Variants in PTPRE observed in about 807,000 individuals in gnomAD.
PTPRE encodes receptor-type tyrosine-protein phosphatase epsilon.
A neutral mutation model predicts 102.0 loss-of-function variants in PTPRE; 51 were observed. The ratio of observed to expected loss-of-function variants is 0.50; its 90% CI spans 0.40 to 0.63. The LOEUF (loss-of-function observed/expected upper bound fraction) is 0.63. Ranked by LOEUF, PTPRE falls within the 30% of genes least tolerant of loss-of-function variation. The probability of loss-of-function intolerance (pLI) is 0.00; values close to 1 mark genes in which losing one functional copy is unlikely to be tolerated. For missense variants in PTPRE, 752 were observed against 915.1 expected, an observed-to-expected ratio of 0.82 and a Z score of 2.30; for synonymous variants, 345 against 348.2, an observed-to-expected ratio of 0.99 and a Z score of 0.10.
chr10:128,062,841 A>AT (rs1849726793), intron 9 of PTPRE: 1 of 586,196 alleles, frequency 1.7e-6, no homozygotes. Context: ...TGTGAACGTC[A>AT]TAACTCAACC....
intron 1 of PTPRE, among the ~76,000 whole-genome samples, chr10:127,978,026 C>T (rs770873703): frequency 6.6e-6 from 1 of 152,244 alleles, no homozygotes; most frequent in Non-Finnish European, 1.5e-5. Context: ...ACTTCTCCCA[C>T]AGTAAATATA....
intron 1 of PTPRE, among the ~76,000 whole-genome samples, chr10:127,949,684 T>C (rs887341430): frequency 5.3e-5 from 8 of 152,160 alleles, no homozygotes; most frequent in Admixed American, 1.3e-4. Context: ...TTCACATAAA[T>C]GACCTGAGTT....
intron 3 of PTPRE, among the ~76,000 whole-genome samples, chr10:128,042,248 A>G (rs1022894554): frequency 6.6e-6 from 1 of 152,178 alleles, no homozygotes; most frequent in African/African-American, 2.4e-5. Context: ...AGGAGCCACA[A>G]TGGCAGAACA....
At chr10:128,011,211 T>C (rs1267619242) in intron 2 of PTPRE, among the ~76,000 whole-genome samples, 1 of 152,182 alleles carries the variant, frequency 6.6e-6, no homozygotes, top group Non-Finnish European at 1.5e-5. Flanking sequence ...GACCCACAGA[T>C]TGTAAAATTC....
intron 7 of PTPRE, among the ~76,000 whole-genome samples, chr10:128,060,688 C>T (rs1347060921): frequency 1.3e-5 from 2 of 152,216 alleles, no homozygotes; most frequent in Non-Finnish European, 2.9e-5. Context: ...AAATCCTACC[C>T]TTGTCGTCAT....
chr10:128,028,137 G>A lies in PTPRE; in HGVS notation c.-7-12738G>A, dbSNP rs1213778145. On this transcript the variant is annotated intron_variant, in intron 2 of 20. Coordinates refer to ENST00000254667, the MANE Select transcript of PTPRE (RefSeq NM_006504.6). This position sits in a 1 kb window ranked among gnomAD's most constrained non-coding sequence, Gnocchi z 4.5. ...GGATTTCTGGAGAACACTGTACTTC[G>A]CCAGCCTGCGGCAGACACATTATTC... Among the ~76,000 whole-genome samples the A allele has an allele frequency of 1.3e-5, 2 of 152,196 alleles. No homozygotes were observed. The highest frequency in any genetic ancestry group is 2.4e-5 in the African/African-American group (1 of 41,444).
chr10:128,029,870 A>G (rs1013199114), intron 2 of PTPRE, among the ~76,000 whole-genome samples: 2 of 152,234 alleles, frequency 1.3e-5, no homozygotes, highest in East Asian at 1.9e-4. Flanking sequence ...CCTGGGCATC[A>G]ATGCCTCAGC....
intron 2 of PTPRE, chr10:127,998,464 A>AT (rs1853511007): frequency 1.3e-5 from 2 of 152,090 alleles, no homozygotes; most frequent in East Asian, 1.9e-4. Flanking sequence ...TTCTGTCTGG[A>AT]TTTTTTCTTT....
chr10:128,079,791 G>A (rs1851543608), intron 20 of PTPRE, 96 bp downstream of exon 20: 2 of 1,427,074 alleles, frequency 1.4e-6, no homozygotes, highest in African/African-American at 1.4e-5. Flanking sequence ...GTACATGGGG[G>A]AGGTGGGAAG....
rs890471498 is a variant in PTPRE, at chr10:127,995,335, G to C, written c.-8+13039G>C. Among the ~76,000 whole-genome samples the C allele has an allele frequency of 2.0e-5, 3 of 152,338 alleles. No homozygotes were observed. In the South Asian group the frequency reaches 6.2e-4, roughly 32 times the overall value. Reference sequence around the variant, plus strand: ...CCCACCTGGTTCCTCATAGTGGGAGGTGGCTCAAGTGTCAAGTGGCCCATG... The same window carrying C: ...CCCACCTGGTTCCTCATAGTGGGAGCTGGCTCAAGTGTCAAGTGGCCCATG... On this transcript the variant is annotated intron_variant, in intron 2 of 20. Transcript: ENST00000254667.
intron 20 of PTPRE, among the ~76,000 whole-genome samples, chr10:128,080,152 A>T (rs1851573225): frequency 6.6e-6 from 1 of 152,202 alleles, no homozygotes; most frequent in South Asian, 2.1e-4. Flanking sequence ...GATACCGTCC[A>T]CGGGCTGCAG....
chr10:128,050,624 T>G (rs140696070), intron 6 of PTPRE, among the ~76,000 whole-genome samples: 5 of 152,374 alleles, frequency 3.3e-5, no homozygotes, highest in African/African-American at 1.2e-4. Flanking sequence ...TAAGTGTTGA[T>G]CTTAAAGAGG....
intron 12 of PTPRE, 46 bp downstream of exon 12, chr10:128,068,332 A>G (rs756481641): frequency 1.3e-5 from 20 of 1,572,776 alleles, no homozygotes; most frequent in Non-Finnish European, 1.6e-5. Context: ...GGCAGGCCAC[A>G]GTGGGATGAC....
chr10:127,945,561 G>C (rs941856341), intron 1 of PTPRE, among the ~76,000 whole-genome samples: 2 of 152,202 alleles, frequency 1.3e-5, no homozygotes, highest in Admixed American at 1.3e-4. Flanking sequence ...ACAGGAATGG[G>C]GTTTGGCAGT....
At chr10:128,059,409 C>A (rs1172021915) in intron 7 of PTPRE, among the ~76,000 whole-genome samples, 1 of 152,146 alleles carries the variant, frequency 6.6e-6, no homozygotes, top group African/African-American at 2.4e-5. Context: ...GGCCACCAGC[C>A]CGTGGCCCAC....
intron 1 of PTPRE, among the ~76,000 whole-genome samples, chr10:127,973,357 C>T (rs1459525706): frequency 6.6e-6 from 1 of 152,154 alleles, no homozygotes; most frequent in Non-Finnish European, 1.5e-5. Context: ...TGTAGCTTTT[C>T]CTCTTCAAGA....
intron 2 of PTPRE, among the ~76,000 whole-genome samples, chr10:127,990,223 C>A (rs547088278): frequency 1.3e-5 from 2 of 151,792 alleles, no homozygotes; most frequent in East Asian, 1.9e-4. Context: ...AGCAGCCTGG[C>A]CAGTATGGTA....
chr10:128,027,535 A>G (rs1846372823), intron 2 of PTPRE, among the ~76,000 whole-genome samples: 1 of 152,178 alleles, frequency 6.6e-6, no homozygotes, highest in Non-Finnish European at 1.5e-5. Context: ...GGTTTATCAG[A>G]AGATAAAGGG....
chr10:128,028,925 C>T lies in PTPRE; in HGVS notation c.-7-11950C>T, dbSNP rs1442952879. ...GCTGTCCTCCTCGAGGAGCGCTATC[C>T]TGCTCCGTCTCTGCTCAGGGTCCCC... On this transcript the variant is annotated intron_variant, in intron 2 of 20. Transcript: ENST00000254667. This position sits in a 1 kb window ranked among gnomAD's most constrained non-coding sequence, Gnocchi z 4.5. 6.6e-6 allele frequency among the ~76,000 whole-genome samples: 1 copy of T among 152,226 alleles called. No homozygotes were observed. The highest frequency in any genetic ancestry group is 2.4e-5 in the African/African-American group (1 of 41,460).
Sources: allele counts gnomAD v4.1 joint callset (sites outside exome capture counted in the v4.1 genomes callset), GRCh38; gene constraint gnomAD v4.1.1; non-coding constraint Gnocchi (gnomAD v3.1); transcripts MANE v1.5; gene names NCBI Gene and HGNC (gene_info 2026-07-23, HGNC 2026-07-21).